LRRC4C: variants seen among roughly 807,000 people sequenced by gnomAD.
LRRC4C encodes leucine rich repeat containing 4C.
Under a neutral mutation model 33.6 loss-of-function variants are expected in LRRC4C, and 5 were observed. That is an observed-to-expected ratio of 0.15 (90% CI 0.08 to 0.31). LRRC4C has a LOEUF of 0.31. Ranked by LOEUF, LRRC4C falls within the 10% of genes least tolerant of loss-of-function variation. The pLI is 1.00. For missense variants in LRRC4C, 560 were observed against 796.7 expected, an observed-to-expected ratio of 0.70 and a Z score of 3.58; for synonymous variants, 329 against 302.0, an observed-to-expected ratio of 1.09 and a Z score of -0.93.
intron 1 of LRRC4C, among the ~76,000 whole-genome samples, chr11:41,375,406 C>A (rs895668272): frequency 2.0e-5 from 3 of 151,918 alleles, no homozygotes; most frequent in Admixed American, 6.6e-5. Flanking sequence ...TAGACTGAAC[C>A]GCTGTTAGTA....
chr11:40,746,797 G>A (rs765203382), intron 2 of LRRC4C, among the ~76,000 whole-genome samples: 3 of 152,146 alleles, frequency 2.0e-5, no homozygotes, highest in Non-Finnish European at 2.9e-5. Flanking sequence ...TGCCTACCTG[G>A]CTGCTATACC....
chr11:40,257,800 G>C (rs1867338383), intron 4 of LRRC4C, among the ~76,000 whole-genome samples: 1 of 152,160 alleles, frequency 6.6e-6, no homozygotes, highest in Non-Finnish European at 1.5e-5. Context: ...TACAAGCTGA[G>C]AACAGAGCAA....
At chr11:40,187,911 G>C (rs1590655367) in intron 5 of LRRC4C, among the ~76,000 whole-genome samples, 1 of 152,194 alleles carries the variant, frequency 6.6e-6, no homozygotes, top group East Asian at 1.9e-4. Flanking sequence ...GTCGGGGAAA[G>C]AGAAGGAGAG....
At chr11:41,443,213 G>A (rs1395957832) in intron 1 of LRRC4C, among the ~76,000 whole-genome samples, 2 of 149,868 alleles carry the variant, frequency 1.3e-5, no homozygotes, top group African/African-American at 4.9e-5. Flanking sequence ...ATTAGCGGAA[G>A]GAAACAAATT....
At chr11:40,939,854 G>A (rs778031983) in intron 1 of LRRC4C, among the ~76,000 whole-genome samples, 2 of 152,090 alleles carry the variant, frequency 1.3e-5, no homozygotes, top group Non-Finnish European at 2.9e-5. Context: ...CAGATCATTT[G>A]TTTTATCAGA....
At chr11:40,732,208 G>GA (rs1177964192) in intron 2 of LRRC4C, among the ~76,000 whole-genome samples, 3 of 151,816 alleles carry the variant, frequency 2.0e-5, no homozygotes, top group African/African-American at 4.8e-5. Context: ...ACCATTATCA[G>GA]AAAAAAAAGT....
chr11:40,677,632 G>T (rs1210146604), intron 2 of LRRC4C, among the ~76,000 whole-genome samples: 1 of 152,130 alleles, frequency 6.6e-6, no homozygotes, highest in East Asian at 1.9e-4. Flanking sequence ...GCTGACTCCA[G>T]AATCTGTTTT....
At chr11:41,354,029 A>C (rs1340288040) in intron 1 of LRRC4C, among the ~76,000 whole-genome samples, 2 of 152,172 alleles carry the variant, frequency 1.3e-5, no homozygotes, top group African/African-American at 4.8e-5. Context: ...TAGCCAGAGC[A>C]ATCAGGCAAG....
At chr11:40,181,694 G>T (rs556278910) in intron 5 of LRRC4C, among the ~76,000 whole-genome samples, 4 of 152,314 alleles carry the variant, frequency 2.6e-5, no homozygotes, top group Non-Finnish European at 4.4e-5. Flanking sequence ...TGAATAGTTA[G>T]CAAATCCATT....
At chr11:41,286,408 C>T (rs890795561) in intron 1 of LRRC4C, among the ~76,000 whole-genome samples, 1 of 152,066 alleles carries the variant, frequency 6.6e-6, no homozygotes, top group African/African-American at 2.4e-5. Flanking sequence ...TATTTTTATA[C>T]TTGAAGATAA....
chr11:40,910,911 G>A (rs1450981082), intron 2 of LRRC4C, among the ~76,000 whole-genome samples: 2 of 152,214 alleles, frequency 1.3e-5, no homozygotes, highest in African/African-American at 4.8e-5. Flanking sequence ...CCCATGCCTG[G>A]CTTGGAGGGT....
At chr11:41,226,950 G>A (rs993789926) in intron 1 of LRRC4C, among the ~76,000 whole-genome samples, 5 of 151,872 alleles carry the variant, frequency 3.3e-5, no homozygotes, top group Non-Finnish European at 7.4e-5. Flanking sequence ...ACAAGCATTT[G>A]TTATTTGTCC....
intron 1 of LRRC4C, among the ~76,000 whole-genome samples, chr11:41,351,008 T>A (rs12576038): frequency 0.18 from 27,028 of 152,032 alleles, 2,785 homozygotes; most frequent in East Asian, 0.45. Flanking sequence ...GGAGGGTGGA[T>A]TGCTTGAACT....
intron 3 of LRRC4C, among the ~76,000 whole-genome samples, chr11:40,568,536 T>A (rs1327316293): frequency 2.0e-5 from 3 of 152,210 alleles, no homozygotes; most frequent in African/African-American, 7.2e-5. Context: ...ACTAAGTAAC[T>A]AATATAATTT....
intron 1 of LRRC4C, among the ~76,000 whole-genome samples, chr11:41,384,494 C>T (rs1384216298): frequency 1.3e-5 from 2 of 151,466 alleles, no homozygotes; most frequent in East Asian, 3.9e-4. Flanking sequence ...CTTGTCAAAA[C>T]TGTTACAGTT....
intron 5 of LRRC4C, among the ~76,000 whole-genome samples, chr11:40,185,580 A>G (rs1433230730): frequency 1.3e-5 from 2 of 152,204 alleles, no homozygotes; most frequent in Non-Finnish European, 2.9e-5. Context: ...ATGGGAACTA[A>G]GCTTTGTCAA....
chr11:40,376,709 ATGTGTGTGCTTATGTGTG>A (rs1309870580), intron 3 of LRRC4C, among the ~76,000 whole-genome samples: 1 of 149,926 alleles, frequency 6.7e-6, no homozygotes, highest in East Asian at 1.9e-4. Context: ...AAGCATATCA[ATGTGTGTGCTTATGTGTG>A]TGTGTGTGTG....
chr11:40,752,399 A>G (rs1011432390), intron 2 of LRRC4C, among the ~76,000 whole-genome samples: 1 of 152,098 alleles, frequency 6.6e-6, no homozygotes, highest in South Asian at 2.1e-4. Context: ...AAAGAATGCA[A>G]CAATATATAA....
intron 1 of LRRC4C, among the ~76,000 whole-genome samples, chr11:41,183,993 C>T (rs377436589): frequency 9.2e-5 from 14 of 152,208 alleles, no homozygotes; most frequent in African/African-American, 3.1e-4. Flanking sequence ...CAAGCTATAA[C>T]TTGGCCCCTT....
Sources: allele counts gnomAD v4.1 joint callset (sites outside exome capture counted in the v4.1 genomes callset), GRCh38; gene constraint gnomAD v4.1.1; transcripts MANE v1.5; gene names NCBI Gene and HGNC (gene_info 2026-07-23, HGNC 2026-07-21).